PHTF1: variants seen among roughly 807,000 people sequenced by gnomAD.
The protein encoded by PHTF1 is protein PHTF1.
A neutral mutation model predicts 102.4 loss-of-function variants in PHTF1; 88 were observed. The observed-to-expected ratio is 0.86, with a 90% CI of 0.72 to 1.03. The LOEUF (loss-of-function observed/expected upper bound fraction) is 1.03, where lower values mean the gene tolerates loss of function less well. PHTF1 is among the 50% of genes least tolerant of loss of function. The pLI, the probability that PHTF1 is intolerant of heterozygous loss-of-function variation, is 0.00. For synonymous variants in PHTF1, 289 were observed against 305.2 expected (o/e 0.95, Z 0.55); for missense variants, 814 against 909.5 (o/e 0.89, Z 1.35).
chr1:113,741,480 T>TTGGACATTTGTCCCAGTGCTAAGCTTTC (rs1656342408), intron 3 of PHTF1, among the ~76,000 whole-genome samples: 4 of 152,246 alleles, frequency 2.6e-5, no homozygotes, highest in Non-Finnish European at 4.4e-5. Flanking sequence ...TTTTACCTTT[T>TTGGACATTTGTCCCAGTGCTAAGCTTTC]TGGACATTTG....
chr1:113,715,720 G>A (rs145186604), intron 7 of PHTF1, among the ~76,000 whole-genome samples: 1,302 of 83,530 alleles, frequency 0.016, 28 homozygotes, highest in African/African-American at 0.05. Flanking sequence ...AGAATACACA[G>A]AAGGAATTCA....
chr1:113,698,282 G>T lies in PHTF1; in HGVS notation c.2248C>A (p.Leu750Ile), dbSNP rs768979667. 6.2e-7 allele frequency: 1 copy of T among 1,607,908 alleles called. No homozygotes were observed. The highest frequency in any genetic ancestry group is 8.5e-7 in the Non-Finnish European group (1 of 1,175,126). ...LSAVSGVISD[L>I]LGFNIRLWKI... The stretch of plus-strand genomic sequence containing the variant: ...CTTACTCTTATATTAAATCCTAGAA[G>T]ATCACTTATAACACCTGAGACAGCA... Residue 750 changes from leucine (L) to isoleucine (I), a missense_variant, in exon 18 of 19, where the codon CTT becomes ATT. Leu to Ile is a conservative substitution (Grantham distance 5). Transcript: ENST00000369604.
intron 7 of PHTF1, among the ~76,000 whole-genome samples, chr1:113,721,729 G>A (rs1392530283): frequency 4.0e-5 from 6 of 151,866 alleles, no homozygotes; most frequent in African/African-American, 7.3e-5. Context: ...TTGCTCTGTC[G>A]CCCAGGCTGG....
At chr1:113,723,744 G>T in intron 7 of PHTF1, among the ~76,000 whole-genome samples, 1 of 152,242 alleles carries the variant, frequency 6.6e-6, no homozygotes, top group South Asian at 2.1e-4. Flanking sequence ...TACTCCACAA[G>T]CACAGGCAAC....
intron 7 of PHTF1, among the ~76,000 whole-genome samples, chr1:113,715,542 GA>G (rs1162620878): frequency 6.7e-6 from 1 of 148,506 alleles, no homozygotes; most frequent in Non-Finnish European, 1.5e-5. Flanking sequence ...CAGCTACTTG[GA>G]AGGCTGAGGC....
chr1:113,726,592 T>A lies in PHTF1; in HGVS notation c.332-18A>T. On this transcript the variant is annotated intron_variant, in intron 5 of 18. Coordinates refer to ENST00000369604, the MANE Select transcript of PHTF1 (RefSeq NM_001323043.2). ...TGCTATAACTGAAAAGAAGAGGTTT[T>A]AAGATGTAAAACATTAGAGCTCTTC... is the stretch of plus-strand genomic sequence containing the variant. 6.7e-7 allele frequency: 1 copy of A among 1,493,844 alleles called. No individual in the cohort carries two copies. The highest frequency in any genetic ancestry group is 9.1e-7 in the Non-Finnish European group (1 of 1,101,108). 92.5% of individuals were successfully genotyped at this position (1,493,844 alleles called of 1,614,324 possible). A position where few individuals can be genotyped will look rare whatever the true frequency, so the allele number is the denominator to read the frequency against.
Position 113,712,001 on chromosome 1 carries a change from CT to C in PHTF1, c.895del (p.Ser299ValfsTer18). Reference protein sequence around the residue: ...LLRRSVEGASSDNGCEVKNRK... With the variant: ...LLRRSVEGASXDNGCEVKNRK... Reference sequence around the variant, plus strand: ...ATTCTTAACTTCACAACCATTGTCACTTGAGGCCCCTTCCACACTCCTACGC... The same window carrying C: ...ATTCTTAACTTCACAACCATTGTCACTGAGGCCCCTTCCACACTCCTACGC... On this transcript the variant is annotated frameshift_variant, in exon 9 of 19. Transcript: ENST00000369604. LOFTEE classifies it high-confidence loss of function. The C allele has an allele frequency of 2.5e-6, 4 of 1,614,072 alleles. No homozygotes were observed. Among genetic ancestry groups the C allele is most frequent in the Non-Finnish European group, 3.4e-6 (4 of 1,179,960 alleles).
intron 17 of PHTF1, among the ~76,000 whole-genome samples, chr1:113,698,620 TACACACACACACACACAC>T (rs56167437): frequency 2.0e-5 from 1 of 49,670 alleles, no homozygotes; most frequent in Non-Finnish European, 8.0e-5. Flanking sequence ...TATATATATA[TACACACACACACACACAC>T]ACACACACAC....
chr1:113,727,516 AAGT>A (rs1352415659), intron 5 of PHTF1, among the ~76,000 whole-genome samples: 2 of 152,214 alleles, frequency 1.3e-5, no homozygotes, highest in Non-Finnish European at 2.9e-5. Flanking sequence ...TGACATTTAA[AAGT>A]AGAAAATTTA....
intron 3 of PHTF1, among the ~76,000 whole-genome samples, chr1:113,741,217 CTT>C (rs1197732838): frequency 6.6e-6 from 1 of 152,036 alleles, no homozygotes; most frequent in East Asian, 1.9e-4. Context: ...GTCAGTTTCT[CTT>C]GTGAATCTTA....
Position 113,700,935 on chromosome 1 carries a change from ATG to A in PHTF1, c.1903_1904del (p.His635Ter). On this transcript the variant is annotated frameshift_variant, in exon 16 of 19. Transcript: ENST00000369604. LOFTEE classifies it high-confidence loss of function. ...FICCAQVLQG[H>X]KTFLNDAYNW... ...TATAAGCATCATTCAGGAAAGTTTT[ATG>A]TCCTTGGAGAACCTATACAAAGGAT... 6.2e-7 allele frequency: 1 copy of A among 1,609,840 alleles called. No individual in the cohort carries two copies. Among genetic ancestry groups the A allele is most frequent in the Non-Finnish European group, 8.5e-7 (1 of 1,178,602 alleles).
At chr1:113,754,012 G>A (rs1658485062) in intron 3 of PHTF1, among the ~76,000 whole-genome samples, 1 of 152,200 alleles carries the variant, frequency 6.6e-6, no homozygotes, top group African/African-American at 2.4e-5. Context: ...ATAGTAGCTT[G>A]TAAACAGACC....
Position 113,711,711 on chromosome 1 carries a change from A to G in PHTF1, c.1047+35T>C, listed in dbSNP as rs185726765. 2.0e-6 allele frequency: 3 copies of G among 1,523,912 alleles called. No homozygotes were observed. The Admixed American group carries it at 5.1e-5, about 26-fold the overall frequency. 94.4% of individuals were successfully genotyped at this position (1,523,912 alleles called of 1,614,324 possible). On this transcript the variant is annotated intron_variant, in intron 10 of 18. Transcript: ENST00000369604. ...GGAATGGATAAAGTTATTACCCTCAAAAATATACCTTGATTTCTCAAAGGG... is the reference window on the plus strand; with the variant it reads ...GGAATGGATAAAGTTATTACCCTCAGAAATATACCTTGATTTCTCAAAGGG...
chr1:113,744,723 G>A (rs1325621022), intron 3 of PHTF1, among the ~76,000 whole-genome samples: 1 of 152,182 alleles, frequency 6.6e-6, no homozygotes, highest in Non-Finnish European at 1.5e-5. Flanking sequence ...GCTGAGGCAG[G>A]CAGATTCCCT....
At chr1:113,715,477 C>T (rs1251132814) in intron 7 of PHTF1, among the ~76,000 whole-genome samples, 1 of 151,402 alleles carries the variant, frequency 6.6e-6, no homozygotes, top group Non-Finnish European at 1.5e-5. Context: ...GGCAACATGG[C>T]AAAACCTCGT....
chr1:113,741,593 A>G (rs1279511172), intron 3 of PHTF1, among the ~76,000 whole-genome samples: 1 of 152,232 alleles, frequency 6.6e-6, no homozygotes, highest in Non-Finnish European at 1.5e-5. Flanking sequence ...CTTTTCTCCA[A>G]CAATGTTACA....
chr1:113,734,436 G>C (rs1655171247), intron 5 of PHTF1, among the ~76,000 whole-genome samples: 1 of 152,176 alleles, frequency 6.6e-6, no homozygotes, highest in South Asian at 2.1e-4. Flanking sequence ...TATGTTATTA[G>C]AAACTGAAGG....
chr1:113,730,824 A>C (rs1654523357), intron 5 of PHTF1, among the ~76,000 whole-genome samples: 1 of 152,260 alleles, frequency 6.6e-6, no homozygotes, highest in Non-Finnish European at 1.5e-5. Context: ...CATACAATGG[A>C]ATACAATTCA....
intron 14 of PHTF1, 102 bp downstream of exon 14, chr1:113,704,564 T>C: frequency 5.2e-6 from 4 of 765,970 alleles, no homozygotes; most frequent in Admixed American, 2.7e-5. Flanking sequence ...TGCTATAATC[T>C]GCCTGACACC....
Sources: gnomAD v4.1 joint callset for allele counts (sites outside exome capture counted in the v4.1 genomes callset) on GRCh38, gnomAD v4.1.1 for gene constraint, MANE v1.5 for transcripts, NCBI Gene and HGNC (gene_info 2026-07-23, HGNC 2026-07-21) for gene names.